The following REST variants were observed in gnomAD, a reference collection of about 807,000 sequenced individuals.
REST encodes the protein RE1 silencing transcription factor.
In REST, 1 loss-of-function variant was observed where a neutral mutation model predicts 30.4. The ratio of observed to expected loss-of-function variants is 0.03; its 90% CI spans 0.01 to 0.16. The LOEUF (loss-of-function observed/expected upper bound fraction) is 0.16, where lower values mean the gene tolerates loss of function less well. REST is among the 10% of genes least tolerant of loss of function. REST has a pLI of 1.00. For synonymous variants in REST, 504 were observed against 451.1 expected (o/e 1.12, Z -1.49); for missense variants, 1,259 against 1,329.5 (o/e 0.95, Z 0.82).
intron 2 of REST, among the ~76,000 whole-genome samples, chr4:56,917,914 T>A (rs920148529): frequency 6.6e-6 from 1 of 151,878 alleles, no homozygotes; most frequent in Non-Finnish European, 1.5e-5. Flanking sequence ...TAGCCGGGCA[T>A]GGTGGCGGGC....
intron 3 of REST, 111 bp from the exon 4 acceptor site, chr4:56,929,730 T>C: frequency 1.1e-6 from 1 of 882,374 alleles, no homozygotes; most frequent in Non-Finnish European, 1.7e-6. Context: ...AGGTGCATGA[T>C]ACAGCATTTT....
rs73165986 is a variant in REST, at chr4:56,913,498, G to C, written c.898+1962G>C. On this transcript the variant is annotated intron_variant, in intron 2 of 3. Transcript: ENST00000309042. ...GAGAATAATCCAGTACTCTACTCTT[G>C]GGGTCACAAATGAATAGGGGGTGTG... Among the ~76,000 whole-genome samples, 1,340 of 152,160 alleles carry C rather than the reference G, an allele frequency of 8.8e-3. 20 individuals are homozygous for C. The highest frequency in any genetic ancestry group is 0.03 in the African/African-American group (1,250 of 41,500).
intron 3 of REST, 144 bp from the exon 4 acceptor site, chr4:56,929,697 T>C (rs1414059985): frequency 1.3e-5 from 8 of 621,176 alleles, no homozygotes; most frequent in African/African-American, 3.8e-5. Context: ...AGAAATGTTA[T>C]ACAAATAAAT....
At position 56,930,396 on chromosome 4, in the gene REST, T is replaced by G. The variant is rs1560451643; in HGVS notation, c.1538T>G (p.Phe513Cys). 6.2e-7 allele frequency: 1 copy of G among 1,613,904 alleles called. No homozygotes were observed. The highest frequency in any genetic ancestry group is 1.7e-5 in the Admixed American group (1 of 59,970). The change falls in exon 4 of 4, where the codon TTC becomes TGC. Residue 513 changes from phenylalanine (F) to cysteine (C), a missense_variant. Coordinates refer to ENST00000309042, the MANE Select transcript of REST (RefSeq NM_005612.5). ...DVHTGSNSEK[F>C]SKTKKSKRKL... Reference sequence around the variant, plus strand: ...CATACAGGAAGCAATTCAGAAAAATTCAGTAAAACTAAGAAAAGCAAAAGG... The same window carrying G: ...CATACAGGAAGCAATTCAGAAAAATGCAGTAAAACTAAGAAAAGCAAAAGG...
Position 56,932,718 on chromosome 4 carries a change from A to AT in REST, c.*567dup, listed in dbSNP as rs141330981. On this transcript the variant is annotated 3_prime_UTR_variant, in exon 4 of 4. Transcript: ENST00000309042. ...TTTTTATTTGTGTATGTTAATCGTC[A>AT]TAAAAACAGTGATTTTGGTGTGTTT... The AT allele has an allele frequency of 6.6e-6, 1 of 152,340 alleles. No individual in the cohort carries two copies. Among genetic ancestry groups the AT allele is most frequent in the African/African-American group, 2.4e-5 (1 of 41,580 alleles). 9.4% of individuals were successfully genotyped at this position (152,340 alleles called of 1,614,324 possible).
At chr4:56,921,177 T>C (rs1720433808) in intron 3 of REST, among the ~76,000 whole-genome samples, 1 of 152,084 alleles carries the variant, frequency 6.6e-6, no homozygotes, top group South Asian at 2.1e-4. Flanking sequence ...CTACCACTTC[T>C]AATTAGAATA....
At chr4:56,918,993 T>G (rs1720327209) in intron 2 of REST, among the ~76,000 whole-genome samples, 2 of 151,740 alleles carry the variant, frequency 1.3e-5, no homozygotes, top group African/African-American at 2.4e-5. Flanking sequence ...ATTTTTTTTT[T>G]TTTTTTAAAC....
Position 56,916,968 on chromosome 4 carries a change from C to T in REST, c.899-2819C>T, listed in dbSNP as rs148033800. Among the ~76,000 whole-genome samples the T allele has an allele frequency of 3.5e-4, 53 of 152,290 alleles. No individual in the cohort carries two copies. In the East Asian group the frequency reaches 7.9e-3, roughly 23 times the overall value. ...CAAATTAGCCATGCCATTTTACAATCCCACCAGCAATGTGTGAGGGTTCCA... is the reference window on the plus strand; with the variant it reads ...CAAATTAGCCATGCCATTTTACAATTCCACCAGCAATGTGTGAGGGTTCCA... On this transcript the variant is annotated intron_variant, in intron 2 of 3. Transcript: ENST00000309042.
chr4:56,922,041 T>C (rs1364619557), intron 3 of REST, among the ~76,000 whole-genome samples: 1 of 152,178 alleles, frequency 6.6e-6, no homozygotes, highest in Non-Finnish European at 1.5e-5. Context: ...TGTAGTATAG[T>C]TGCTAGCCTT....
At chr4:56,915,124 T>G (rs551329362) in intron 2 of REST, among the ~76,000 whole-genome samples, 1 of 151,532 alleles carries the variant, frequency 6.6e-6, no homozygotes, top group South Asian at 2.1e-4. Context: ...GGTTTCTCCA[T>G]GTTGGGCAGG....
Position 56,931,174 on chromosome 4 carries a change from C to G in REST, c.2316C>G (p.Val772=), listed in dbSNP as rs1472306688. 1.9e-6 allele frequency: 3 copies of G among 1,613,470 alleles called. No homozygotes were observed. The highest frequency in any genetic ancestry group is 2.7e-5 in the African/African-American group (2 of 74,946). ...AGCTGTCTCCTCCCATAGAGGTGGTCCAGAAGGAGCCTGTTCAGATGGAGT... is the reference window on the plus strand; with the variant it reads ...AGCTGTCTCCTCCCATAGAGGTGGTGCAGAAGGAGCCTGTTCAGATGGAGT... The part of the protein sequence containing the change: ...KIELSPPIEV[V]QKEPVQMELS... Residue 772 remains valine, a synonymous_variant, in exon 4 of 4, where the codon GTC becomes GTG. Coordinates refer to ENST00000309042, the MANE Select transcript of REST (RefSeq NM_005612.5).
In REST at chr4:56,931,016, C is replaced by T. The variant is rs1720942409; in HGVS notation, c.2158C>T (p.Pro720Ser). The change falls in exon 4 of 4, where the codon CCC becomes TCC. Residue 720 changes from proline (P) to serine (S), a missense_variant. By Grantham distance (74) the Pro-to-Ser change is moderately conservative. Transcript: ENST00000309042. ...GGAGGTTGCCCAGGTAGAATCTGCT[C>T]CCATGCAGGTGGTCCAGAAGGAGCC... ...QMEVAQVESA[P>S]MQVVQKEPVQ... 1 of 1,614,118 alleles carries T rather than the reference C, an allele frequency of 6.2e-7. No individual in the cohort carries two copies. Among genetic ancestry groups the T allele is most frequent in the African/African-American group, 1.3e-5 (1 of 74,934 alleles).
rs781642150 is a variant in REST, at chr4:56,910,952, G to T, written c.314G>T (p.Gly105Val). 1.2e-5 allele frequency: 19 copies of T among 1,614,048 alleles called. No homozygotes were observed. In the South Asian group the frequency reaches 2.1e-4, roughly 18 times the overall value. ...GCTGATATAAAAGGTGAACCTCATGGACTGGAAAACATGGAACTGAGAAGT... is the reference window on the plus strand; with the variant it reads ...GCTGATATAAAAGGTGAACCTCATGTACTGGAAAACATGGAACTGAGAAGT... ...ESADIKGEPH[G>V]LENMELRSLE... is the part of the protein sequence containing the mutation. Residue 105 changes from glycine (G) to valine (V), a missense_variant, in exon 2 of 4, where the codon GGA (glycine) becomes GTA (valine). This residue lies in a region of REST where 249 missense variants were observed against 251.5 expected (regional missense o/e 0.99). Transcript: ENST00000309042.
In REST at chr4:56,935,397, T is replaced by C. The variant is rs1721112524; in HGVS notation, c.*3245T>C. On this transcript the variant is annotated 3_prime_UTR_variant, in exon 4 of 4. Coordinates refer to ENST00000309042, the MANE Select transcript of REST (RefSeq NM_005612.5). ...TGAAGAAATTATCTGAATCTTGGTT[T>C]GTGTAGATTTACAATCTACATGCAA... The C allele has an allele frequency of 6.6e-6, 1 of 152,250 alleles. No individual in the cohort carries two copies. Among genetic ancestry groups the C allele is most frequent in the African/African-American group, 2.4e-5 (1 of 41,472 alleles). The allele number at this position is 152,250 out of a possible 1,614,324, so 9.4% of individuals were successfully genotyped here. A position where few individuals can be genotyped will look rare whatever the true frequency, so the allele number is the denominator to read the frequency against.
intron 3 of REST, among the ~76,000 whole-genome samples, chr4:56,920,618 C>G (rs1232270088): frequency 6.6e-6 from 1 of 151,804 alleles, no homozygotes; most frequent in East Asian, 2.0e-4. Flanking sequence ...CAAAATTAGC[C>G]AGGCGTGGTG....
rs200137905 is a variant in REST, at chr4:56,932,167, A to G, written c.*15A>G. 33 of 1,584,450 alleles carry G rather than the reference A, an allele frequency of 2.1e-5. No homozygotes were observed. In the African/African-American group the frequency reaches 4.3e-4, roughly 21 times the overall value. ...GGCAGGAGTAATGAAACTTTGAACA[A>G]GGTTTCAGTTCTTAGTTTGTAAGGT... On this transcript the variant is annotated 3_prime_UTR_variant, in exon 4 of 4. Coordinates refer to ENST00000309042, the MANE Select transcript of REST (RefSeq NM_005612.5).
At chr4:56,909,938 T>G (rs1287627765) in intron 1 of REST, among the ~76,000 whole-genome samples, 1 of 152,258 alleles carries the variant, frequency 6.6e-6, no homozygotes, top group Non-Finnish European at 1.5e-5. Context: ...AATAAGCTTA[T>G]TAATTTTTAT....
At chr4:56,920,116 C>T in intron 3 of REST, 1 of 298,466 alleles carries the variant, frequency 3.4e-6, no homozygotes, top group Admixed American at 4.5e-5. Context: ...CTCATCAAAT[C>T]TTTGAAGCGT....
intron 3 of REST, among the ~76,000 whole-genome samples, chr4:56,925,550 G>A (rs1223267572): frequency 6.6e-6 from 1 of 152,136 alleles, no homozygotes; most frequent in Non-Finnish European, 1.5e-5. Flanking sequence ...TATGTGTAAA[G>A]CTTGCAGAAC....
Sources: gnomAD v4.1 joint callset for allele counts (sites outside exome capture counted in the v4.1 genomes callset) on GRCh38, gnomAD v4.1.1 for gene constraint, gnomAD v4.1.1 regional missense constraint, MANE v1.5 for transcripts, NCBI Gene and HGNC (gene_info 2026-07-23, HGNC 2026-07-21) for gene names.